GABRG3: variants seen among roughly 807,000 people sequenced by gnomAD.
GABRG3 encodes gamma-aminobutyric acid receptor subunit gamma-3.
Under a neutral mutation model 48.8 loss-of-function variants are expected in GABRG3, and 25 were observed. That is an observed-to-expected ratio of 0.51 (90% CI 0.37 to 0.72). GABRG3 has a LOEUF of 0.72. GABRG3 is among the 30% of genes least tolerant of loss of function. GABRG3 has a pLI of 0.00. For missense variants in GABRG3, 394 were observed against 577.9 expected (o/e 0.68, Z 3.26); for synonymous variants, 227 against 217.6 (o/e 1.04, Z -0.38).
chr15:27,416,649 C>T (rs1227504131), intron 5 of GABRG3, among the ~76,000 whole-genome samples: 2 of 152,150 alleles, frequency 1.3e-5, no homozygotes, highest in African/African-American at 2.4e-5. Flanking sequence ...GAATCTGCCA[C>T]ACTGAGCCTC....
intron 3 of GABRG3, among the ~76,000 whole-genome samples, chr15:27,253,157 G>A (rs1890513601): frequency 1.3e-5 from 2 of 152,348 alleles, no homozygotes; most frequent in East Asian, 1.9e-4. Flanking sequence ...GCTGGAGTGT[G>A]TGTCTGTCTC....
rs1892425302 is a variant in GABRG3 at position 27,306,204 on chromosome 15, T to A, written c.271-20605T>A. ...ATATAATATAAACATATTTATAATA[T>A]AAACATATGTAATATAAACATATGT... On this transcript the variant is annotated intron_variant, in intron 3 of 9. Coordinates refer to ENST00000615808, the MANE Select transcript of GABRG3 (RefSeq NM_033223.5). Among the ~76,000 whole-genome samples, 2 of 130,556 alleles carry A rather than the reference T, an allele frequency of 1.5e-5. 1 individual carries two copies. The highest frequency in any genetic ancestry group is 4.5e-4 in the East Asian group (2 of 4,470). 85.6% of individuals were successfully genotyped at this position (130,556 alleles called of 152,430 possible).
chr15:27,304,896 C>T (rs1340361051), intron 3 of GABRG3, among the ~76,000 whole-genome samples: 2 of 151,898 alleles, frequency 1.3e-5, no homozygotes, highest in Non-Finnish European at 2.9e-5. Context: ...GATACTGGAA[C>T]CTGACAAGGT....
chr15:27,435,989 A>G (rs900755430), intron 5 of GABRG3, among the ~76,000 whole-genome samples: 7 of 152,204 alleles, frequency 4.6e-5, no homozygotes, highest in African/African-American at 1.2e-4. Context: ...TTCAACTAGC[A>G]TAGTGCGGTA....
At chr15:27,251,597 C>T (rs1383576808) in intron 3 of GABRG3, among the ~76,000 whole-genome samples, 1 of 152,132 alleles carries the variant, frequency 6.6e-6, no homozygotes, top group Non-Finnish European at 1.5e-5. Context: ...TTAAAGAAAT[C>T]CTAATCAAAT....
In GABRG3 at chr15:27,181,762, C is replaced by T. The variant is rs145285742; in HGVS notation, c.271-145047C>T. 1.4e-3 allele frequency among the ~76,000 whole-genome samples: 209 copies of T among 152,216 alleles called. 3 individuals are homozygous for T. The East Asian group carries it at 0.029, about 21-fold the overall frequency. On this transcript the variant is annotated intron_variant, in intron 3 of 9. Coordinates refer to ENST00000615808, the MANE Select transcript of GABRG3 (RefSeq NM_033223.5). The stretch of plus-strand genomic sequence containing the variant: ...AACAGCAGTGGACAAAAGATCCCAA[C>T]GCTCAGAAGTGAGGAGTTCTGGTCA...
At chr15:27,389,364 A>C (rs1896151550) in intron 5 of GABRG3, among the ~76,000 whole-genome samples, 1 of 152,200 alleles carries the variant, frequency 6.6e-6, no homozygotes, top group Non-Finnish European at 1.5e-5. Flanking sequence ...AACATAACTT[A>C]ATATCCAGTG....
intron 5 of GABRG3, among the ~76,000 whole-genome samples, chr15:27,379,603 G>A (rs1165857281): frequency 6.6e-6 from 1 of 152,084 alleles, no homozygotes; most frequent in Non-Finnish European, 1.5e-5. Context: ...TTCCTGCAAG[G>A]CAGGTCTATT....
chr15:27,325,634 T>G (rs1893588384), intron 3 of GABRG3, among the ~76,000 whole-genome samples: 1 of 152,228 alleles, frequency 6.6e-6, no homozygotes, highest in South Asian at 2.1e-4. Flanking sequence ...AAGGCCCATC[T>G]TCCCTGGATA....
intron 3 of GABRG3, among the ~76,000 whole-genome samples, chr15:27,035,914 G>A (rs933414233): frequency 3.3e-5 from 5 of 152,232 alleles, no homozygotes; most frequent in African/African-American, 1.2e-4. Flanking sequence ...AAGATTTGCA[G>A]TGGGCTGCAG....
In GABRG3 at chr15:27,307,343, TTA is replaced by T. The variant is rs1197106606; in HGVS notation, c.271-19460_271-19459del. Among the ~76,000 whole-genome samples the T allele has an allele frequency of 6.8e-4, 89 of 131,470 alleles. 2 individuals are homozygous for T. The highest frequency in any genetic ancestry group is 2.6e-3 in the African/African-American group (82 of 31,254). 86.2% of individuals were successfully genotyped at this position (131,470 alleles called of 152,430 possible). ...TATATGTTTATATATAACCATAGGT[TTA>T]TATATGTTTATATATAACCATATAG... On this transcript the variant is annotated intron_variant, in intron 3 of 9. Transcript: ENST00000615808.
At chr15:27,386,342 C>A (rs1316660953) in intron 5 of GABRG3, among the ~76,000 whole-genome samples, 1 of 152,156 alleles carries the variant, frequency 6.6e-6, no homozygotes, top group Non-Finnish European at 1.5e-5. Context: ...CAACGGCCCT[C>A]TCTAGCCTCT....
intron 5 of GABRG3, among the ~76,000 whole-genome samples, chr15:27,340,268 G>A (rs890418011): frequency 3.9e-5 from 6 of 152,058 alleles, no homozygotes; most frequent in African/African-American, 9.7e-5. Flanking sequence ...GTTTCTCTGC[G>A]GCCTCTGGAA....
intron 3 of GABRG3, among the ~76,000 whole-genome samples, chr15:27,276,819 T>C (rs1056678283): frequency 3.9e-5 from 6 of 152,192 alleles, no homozygotes; most frequent in Admixed American, 1.3e-4. Context: ...AAATTTGGAT[T>C]GTGAGACACG....
chr15:27,176,332 C>G (rs1887745024), intron 3 of GABRG3, among the ~76,000 whole-genome samples: 1 of 152,156 alleles, frequency 6.6e-6, no homozygotes, highest in South Asian at 2.1e-4. Flanking sequence ...CTTATTAGCA[C>G]CAAAACGCTG....
At position 27,528,000 on chromosome 15, in the gene GABRG3, T is replaced by C; in HGVS notation, c.1122+8T>C. The C allele has an allele frequency of 1.9e-6, 3 of 1,581,220 alleles. No individual in the cohort carries two copies. The highest frequency in any genetic ancestry group is 2.6e-6 in the Non-Finnish European group (3 of 1,157,570). On this transcript the variant is annotated splice_region_variant and intron_variant, in intron 9 of 9. Transcript: ENST00000615808. ...AGCCTACAAGCCCCTTCCGTACGTA[T>C]AGCATTGCAGGTGCCAATATTTCTG...
At chr15:27,374,053 G>A (rs1895501980) in intron 5 of GABRG3, among the ~76,000 whole-genome samples, 1 of 149,906 alleles carries the variant, frequency 6.7e-6, no homozygotes, top group East Asian at 2.0e-4. Flanking sequence ...GAATTCTTAT[G>A]ATTTTATAAA....
At chr15:27,442,446 G>A (rs1183221947) in intron 5 of GABRG3, among the ~76,000 whole-genome samples, 1 of 152,172 alleles carries the variant, frequency 6.6e-6, no homozygotes, top group Non-Finnish European at 1.5e-5. Flanking sequence ...CCGCCTTATA[G>A]CACACACAGA....
chr15:27,293,328 T>G (rs1385956193), intron 3 of GABRG3, among the ~76,000 whole-genome samples: 1 of 152,062 alleles, frequency 6.6e-6, no homozygotes, highest in African/African-American at 2.4e-5. Context: ...AAAATATAAT[T>G]GATGCAGCTG....
Sources: gnomAD v4.1 joint callset for allele counts (sites outside exome capture counted in the v4.1 genomes callset) on GRCh38, gnomAD v4.1.1 for gene constraint, MANE v1.5 for transcripts, NCBI Gene and HGNC (gene_info 2026-07-23, HGNC 2026-07-21) for gene names.